LRP1B: variants seen among roughly 807,000 people sequenced by gnomAD.
The protein encoded by LRP1B is low-density lipoprotein receptor-related protein 1B.
A neutral mutation model predicts 556.6 loss-of-function variants in LRP1B; 217 were observed. The observed-to-expected ratio is 0.39, with a 90% CI of 0.35 to 0.44. LRP1B has a LOEUF of 0.44. LRP1B is among the 20% of genes least tolerant of loss of function. The probability of loss-of-function intolerance (pLI) is 1.00; values close to 1 mark genes in which losing one functional copy is unlikely to be tolerated. For synonymous variants in LRP1B, 2,047 were observed against 1,865.8 expected, an observed-to-expected ratio of 1.10 and a Z score of -2.50; for missense variants, 5,053 against 5,620.8, an observed-to-expected ratio of 0.90 and a Z score of 3.23.
At chr2:141,237,517 A>G (rs1272216650) in intron 5 of LRP1B, among the ~76,000 whole-genome samples, 1 of 151,898 alleles carries the variant, frequency 6.6e-6, no homozygotes, top group Admixed American at 6.6e-5. Flanking sequence ...GTGCTTTTTA[A>G]TCTTATCTTT....
chr2:141,632,859 C>T (rs1374904212), intron 2 of LRP1B, among the ~76,000 whole-genome samples: 51 of 96,034 alleles, frequency 5.3e-4, no homozygotes, highest in Admixed American at 3.4e-3. Flanking sequence ...GTGTTAAGTG[C>T]TACAAGAACC....
chr2:142,130,274 C>G (rs1707804981), intron 1 of LRP1B, among the ~76,000 whole-genome samples: 3 of 152,162 alleles, frequency 2.0e-5, no homozygotes, highest in South Asian at 4.1e-4. Flanking sequence ...ACCTGGAGCT[C>G]GCAAAAGCTC....
intron 21 of LRP1B, among the ~76,000 whole-genome samples, chr2:140,916,215 G>A (rs1184226646): frequency 6.6e-6 from 1 of 152,066 alleles, no homozygotes; most frequent in Non-Finnish European, 1.5e-5. Context: ...GAAAAAAAGG[G>A]ATGTGTTCAG....
chr2:140,296,599 T>C (rs1367447133), intron 84 of LRP1B, among the ~76,000 whole-genome samples: 1 of 149,430 alleles, frequency 6.7e-6, no homozygotes, highest in Admixed American at 6.8e-5. Flanking sequence ...TAGGTCTCAA[T>C]TTTGGTTGCA....
intron 2 of LRP1B, among the ~76,000 whole-genome samples, chr2:141,605,284 A>G (rs1687878626): frequency 6.6e-6 from 1 of 152,124 alleles, no homozygotes; most frequent in East Asian, 1.9e-4. Context: ...AAGAATATTG[A>G]TTGGGGACAT....
intron 2 of LRP1B, among the ~76,000 whole-genome samples, chr2:141,522,795 T>C (rs973312592): frequency 6.6e-6 from 1 of 152,182 alleles, no homozygotes; most frequent in Non-Finnish European, 1.5e-5. Context: ...CAGGTTCTTT[T>C]GCCCTCTGCA....
chr2:140,970,036 A>T (rs3921277), intron 18 of LRP1B, among the ~76,000 whole-genome samples: 1 of 151,928 alleles, frequency 6.6e-6, no homozygotes, highest in African/African-American at 2.4e-5. Context: ...TCTTTGGGGC[A>T]TTCTCTGTAT....
chr2:141,838,008 C>T (rs532452601), intron 1 of LRP1B, among the ~76,000 whole-genome samples: 5 of 152,084 alleles, frequency 3.3e-5, no homozygotes, highest in African/African-American at 7.2e-5. Flanking sequence ...TAGGAGTAAA[C>T]GTGGAGCCGG....
chr2:141,885,645 G>A (rs923607085), intron 1 of LRP1B, among the ~76,000 whole-genome samples: 2 of 152,198 alleles, frequency 1.3e-5, no homozygotes, highest in African/African-American at 4.8e-5. Flanking sequence ...TTACAGTCAA[G>A]TGACAGGTCT....
chr2:142,097,199 C>A (rs1706406449), intron 1 of LRP1B, among the ~76,000 whole-genome samples: 1 of 151,618 alleles, frequency 6.6e-6, no homozygotes. Context: ...TCAAAAATTA[C>A]CTATTTCATA....
chr2:140,557,305 C>A (rs1293397970), intron 43 of LRP1B, among the ~76,000 whole-genome samples: 1 of 152,112 alleles, frequency 6.6e-6, no homozygotes, highest in Non-Finnish European at 1.5e-5. Context: ...ATCATTAAGT[C>A]TGTTTACCCA....
chr2:141,800,211 T>C (rs928807292), intron 2 of LRP1B, among the ~76,000 whole-genome samples: 5 of 152,154 alleles, frequency 3.3e-5, no homozygotes, highest in African/African-American at 1.2e-4. Flanking sequence ...GGAAAGCAGG[T>C]TGACTTGAGT....
At chr2:141,050,933 C>T (rs1699018803) in intron 10 of LRP1B, among the ~76,000 whole-genome samples, 1 of 39,160 alleles carries the variant, frequency 2.6e-5, no homozygotes, top group Non-Finnish European at 8.0e-5. Context: ...AACACATTTA[C>T]AAGAAAAAAC....
chr2:141,172,370 T>C (rs1159425482), intron 7 of LRP1B, among the ~76,000 whole-genome samples: 1 of 152,084 alleles, frequency 6.6e-6, no homozygotes, highest in Admixed American at 6.6e-5. Context: ...TTTAAACCTT[T>C]AATAAGACCA....
At chr2:140,895,657 A>G (rs1197097186) in intron 23 of LRP1B, among the ~76,000 whole-genome samples, 1 of 152,184 alleles carries the variant, frequency 6.6e-6, no homozygotes, top group Non-Finnish European at 1.5e-5. Flanking sequence ...GGTGTCAGGA[A>G]GAATCAGGTC....
At chr2:140,809,473 G>A (rs530837881) in intron 32 of LRP1B, among the ~76,000 whole-genome samples, 4 of 152,196 alleles carry the variant, frequency 2.6e-5, no homozygotes, top group African/African-American at 9.6e-5. Context: ...TTCAGATATT[G>A]CAGCCTAGAC....
intron 1 of LRP1B, among the ~76,000 whole-genome samples, chr2:142,014,163 T>C (rs2105161166): frequency 6.6e-6 from 1 of 152,260 alleles, no homozygotes; most frequent in Middle Eastern, 3.4e-3. Flanking sequence ...GTAGCTGTAC[T>C]TTCACCACTT....
chr2:140,706,276 G>T (rs141827407), intron 37 of LRP1B, among the ~76,000 whole-genome samples: 1 of 152,168 alleles, frequency 6.6e-6, no homozygotes, highest in Non-Finnish European at 1.5e-5. Flanking sequence ...TGTGAAAAAC[G>T]TGTTCACTAT....
intron 2 of LRP1B, among the ~76,000 whole-genome samples, chr2:141,766,055 A>C (rs1433459224): frequency 6.6e-6 from 1 of 152,204 alleles, no homozygotes; most frequent in Non-Finnish European, 1.5e-5. Flanking sequence ...CCATGCCCTC[A>C]GTTGCTTATT....
Sources: allele counts gnomAD v4.1 joint callset (sites outside exome capture counted in the v4.1 genomes callset), GRCh38; gene constraint gnomAD v4.1.1; transcripts MANE v1.5; gene names NCBI Gene and HGNC (gene_info 2026-07-23, HGNC 2026-07-21).